Variants in KLHL1 observed in about 807,000 individuals in gnomAD.
KLHL1 encodes kelch like family member 1.
A neutral mutation model predicts 77.7 loss-of-function variants in KLHL1; 47 were observed. The ratio of observed to expected loss-of-function variants is 0.60; its 90% CI spans 0.48 to 0.77. KLHL1 has a LOEUF of 0.77. Ranked by LOEUF, KLHL1 falls within the 30% of genes least tolerant of loss-of-function variation. KLHL1 has a pLI of 0.00. For synonymous variants in KLHL1, 360 were observed against 325.2 expected, an observed-to-expected ratio of 1.11 and a Z score of -1.15; for missense variants, 925 against 910.8, an observed-to-expected ratio of 1.02 and a Z score of -0.20.
At chr13:69,993,096 A>G (rs1885066295) in intron 1 of KLHL1, among the ~76,000 whole-genome samples, 1 of 151,968 alleles carries the variant, frequency 6.6e-6, no homozygotes, top group African/African-American at 2.4e-5. Flanking sequence ...TAATTTTTCA[A>G]TCTTATATTG....
chr13:70,035,750 A>C (rs924108281), intron 1 of KLHL1, among the ~76,000 whole-genome samples: 1 of 152,006 alleles, frequency 6.6e-6, no homozygotes, highest in Non-Finnish European at 1.5e-5. Flanking sequence ...CTTTTATGTT[A>C]ACTTTTCATT....
intron 5 of KLHL1, among the ~76,000 whole-genome samples, chr13:69,845,420 C>T (rs1328387883): frequency 6.6e-6 from 1 of 151,514 alleles, no homozygotes; most frequent in East Asian, 1.9e-4. Context: ...TGTCATTCTG[C>T]TGTACATTTT....
At chr13:69,792,657 G>A (rs576846811) in intron 7 of KLHL1, among the ~76,000 whole-genome samples, 14 of 152,210 alleles carry the variant, frequency 9.2e-5, no homozygotes, top group South Asian at 2.1e-4. Flanking sequence ...TATTGATGAC[G>A]TATTAACAAA....
At chr13:70,037,412 A>G (rs1265256859) in intron 1 of KLHL1, among the ~76,000 whole-genome samples, 6 of 152,070 alleles carry the variant, frequency 3.9e-5, no homozygotes, top group Non-Finnish European at 7.4e-5. Flanking sequence ...TAGTATTGCA[A>G]TTCTGGCCTG....
intron 3 of KLHL1, among the ~76,000 whole-genome samples, chr13:69,950,765 A>G (rs544390248): frequency 6.6e-6 from 1 of 151,758 alleles, no homozygotes; most frequent in East Asian, 1.9e-4. Context: ...AAATAATTGT[A>G]CCTTGAACCC....
At chr13:69,901,499 C>A (rs1257018210) in intron 4 of KLHL1, among the ~76,000 whole-genome samples, 4 of 152,102 alleles carry the variant, frequency 2.6e-5, no homozygotes, top group Non-Finnish European at 5.9e-5. Context: ...AATGATGACT[C>A]TGGTCAGGGA....
intron 6 of KLHL1, among the ~76,000 whole-genome samples, chr13:69,804,947 T>C (rs1396977595): frequency 6.6e-6 from 1 of 152,134 alleles, no homozygotes; most frequent in Non-Finnish European, 1.5e-5. Flanking sequence ...AAAAACATCA[T>C]TATAAAGAAT....
At chr13:69,981,337 T>C (rs954009304) in intron 1 of KLHL1, among the ~76,000 whole-genome samples, 2 of 152,116 alleles carry the variant, frequency 1.3e-5, no homozygotes, top group African/African-American at 2.4e-5. Flanking sequence ...TTTTTCTTAA[T>C]GTGAGTCACT....
intron 7 of KLHL1, among the ~76,000 whole-genome samples, chr13:69,782,410 A>G (rs1480874723): frequency 6.6e-6 from 1 of 152,198 alleles, no homozygotes; most frequent in Non-Finnish European, 1.5e-5. Flanking sequence ...TCCCTTTCCT[A>G]GTCAAAGAAA....
At chr13:69,878,223 C>A (rs563669542) in intron 5 of KLHL1, among the ~76,000 whole-genome samples, 2 of 152,194 alleles carry the variant, frequency 1.3e-5, no homozygotes, top group East Asian at 3.9e-4. Context: ...CATGGTTTAA[C>A]ACTATCCTGG....
At chr13:69,712,220 G>T (rs1875908566) in intron 9 of KLHL1, among the ~76,000 whole-genome samples, 2 of 151,132 alleles carry the variant, frequency 1.3e-5, no homozygotes, top group South Asian at 4.2e-4. Flanking sequence ...CTTTATAGAT[G>T]ATCCTATGTA....
At chr13:69,748,133 T>C (rs1874299600) in intron 7 of KLHL1, among the ~76,000 whole-genome samples, 1 of 152,006 alleles carries the variant, frequency 6.6e-6, no homozygotes, top group Admixed American at 6.6e-5. Context: ...TTACTATCTT[T>C]TAATTAACCA....
At chr13:69,790,902 C>CAAAT (rs1255829479) in intron 7 of KLHL1, among the ~76,000 whole-genome samples, 1 of 151,950 alleles carries the variant, frequency 6.6e-6, no homozygotes, top group Non-Finnish European at 1.5e-5. Context: ...AAAACAACAA[C>CAAAT]AAATAAAACA....
intron 5 of KLHL1, among the ~76,000 whole-genome samples, chr13:69,861,677 C>A (rs1317456857): frequency 6.7e-6 from 1 of 150,170 alleles, no homozygotes; most frequent in Non-Finnish European, 1.5e-5. Flanking sequence ...AAGCCTGGCG[C>A]AGTGGCTCAC....
At chr13:70,074,744 GA>G (rs34421047) in intron 1 of KLHL1, among the ~76,000 whole-genome samples, 27 of 145,654 alleles carry the variant, frequency 1.9e-4, no homozygotes, top group African/African-American at 2.8e-4. Context: ...GAGCAAGCAA[GA>G]AAAAAAAAAA....
At chr13:69,854,297 T>C (rs1879804250) in intron 5 of KLHL1, among the ~76,000 whole-genome samples, 2 of 151,966 alleles carry the variant, frequency 1.3e-5, no homozygotes, top group African/African-American at 2.4e-5. Context: ...TTGAGGAAGA[T>C]GAAGGGGGGC....
intron 3 of KLHL1, among the ~76,000 whole-genome samples, chr13:69,950,139 A>G (rs987079232): frequency 6.6e-6 from 1 of 151,686 alleles, no homozygotes; most frequent in African/African-American, 2.4e-5. Context: ...AAACTGTTAG[A>G]AAAGTCAGAA....
intron 5 of KLHL1, among the ~76,000 whole-genome samples, chr13:69,871,317 A>T (rs946173590): frequency 1.1e-4 from 16 of 152,120 alleles, no homozygotes; most frequent in African/African-American, 3.9e-4. Context: ...CCATTCTGTC[A>T]TTCTAGGCCT....
intron 1 of KLHL1, among the ~76,000 whole-genome samples, chr13:70,090,373 C>G (rs1887643654): frequency 6.6e-6 from 1 of 151,556 alleles, no homozygotes; most frequent in South Asian, 2.1e-4. Flanking sequence ...AGTAACAAGA[C>G]TGGGGGAAAA....
Sources: allele counts gnomAD v4.1 joint callset (sites outside exome capture counted in the v4.1 genomes callset), GRCh38; gene constraint gnomAD v4.1.1; transcripts MANE v1.5; gene names NCBI Gene and HGNC (gene_info 2026-07-23, HGNC 2026-07-21).